Variants in NUP133 observed in about 807,000 individuals in gnomAD.
The protein encoded by NUP133 is nuclear pore complex protein Nup133.
In NUP133, 66 loss-of-function variants were observed where a neutral mutation model predicts 146.2. The observed-to-expected ratio is 0.45, with a 90% CI of 0.37 to 0.55. The LOEUF (loss-of-function observed/expected upper bound fraction) is 0.55, where lower values mean the gene tolerates loss of function less well. Ranked by LOEUF, NUP133 falls within the 20% of genes least tolerant of loss-of-function variation. NUP133 has a pLI of 0.00. For synonymous variants in NUP133, 521 were observed against 498.8 expected (o/e 1.04, Z -0.59); for missense variants, 1,277 against 1,374.8 (o/e 0.93, Z 1.12).
In NUP133 at chr1:229,506,450, T is replaced by G. The variant is rs547132253; in HGVS notation, c.183-292A>C. Among the ~76,000 whole-genome samples, 165 of 74,212 alleles carry G rather than the reference T, an allele frequency of 2.2e-3. 1 individual carries two copies. Among genetic ancestry groups the G allele is most frequent in the African/African-American group, 8.5e-3 (156 of 18,306 alleles). 48.7% of individuals were successfully genotyped at this position (74,212 alleles called of 152,430 possible). A position where few individuals can be genotyped will look rare whatever the true frequency, so the allele number is the denominator to read the frequency against. On this transcript the variant is annotated intron_variant, in intron 1 of 25. Transcript: ENST00000261396. ...GAAATAAGGCTTAACTAGACCAGTG[T>G]TTTTTTTTTTTTTTTTTCAAACAGC...
At position 229,440,704 on chromosome 1, in the gene NUP133, T is replaced by C. The variant is rs897777711; in HGVS notation, c.*1200A>G. Reference sequence around the variant, plus strand: ...TAACTTCTCTTAGTACCTTCCAACATGTTCCTAACCCAGACCCTAATGCTG... The same window carrying C: ...TAACTTCTCTTAGTACCTTCCAACACGTTCCTAACCCAGACCCTAATGCTG... On this transcript the variant is annotated 3_prime_UTR_variant, in exon 26 of 26. Coordinates refer to ENST00000261396, the MANE Select transcript of NUP133 (RefSeq NM_018230.3). 5 of 152,280 alleles carry C rather than the reference T, an allele frequency of 3.3e-5. No individual in the cohort carries two copies. Among genetic ancestry groups the C allele is most frequent in the Admixed American group, 2.0e-4 (3 of 15,288 alleles). The allele number at this position is 152,280 out of a possible 1,614,324, so 9.4% of individuals were successfully genotyped here.
At chr1:229,478,687 G>A (rs1203471953) in intron 12 of NUP133, among the ~76,000 whole-genome samples, 1 of 152,120 alleles carries the variant, frequency 6.6e-6, no homozygotes, top group Non-Finnish European at 1.5e-5. Context: ...AACCCACCAG[G>A]GGATTAACTA....
In NUP133 at chr1:229,441,868, A is replaced by G; in HGVS notation, c.*36T>C. ...AAAATTTGTATAAGGACACACTTAT[A>G]CAGATTTCATAAACAATGGCCATTT... On this transcript the variant is annotated 3_prime_UTR_variant, in exon 26 of 26. Coordinates refer to ENST00000261396, the MANE Select transcript of NUP133 (RefSeq NM_018230.3). The G allele has an allele frequency of 6.6e-7, 1 of 1,517,596 alleles. No homozygotes were observed. Among genetic ancestry groups the G allele is most frequent in the Non-Finnish European group, 8.9e-7 (1 of 1,129,330 alleles). 94.0% of individuals were successfully genotyped at this position (1,517,596 alleles called of 1,614,324 possible). A position where few individuals can be genotyped will look rare whatever the true frequency, so the allele number is the denominator to read the frequency against.
chr1:229,461,195 G>A (rs1194421415), intron 19 of NUP133, among the ~76,000 whole-genome samples: 1 of 152,148 alleles, frequency 6.6e-6, no homozygotes, highest in Admixed American at 6.6e-5. Flanking sequence ...AAAGCTCTGT[G>A]GGACAGCACC....
intron 8 of NUP133, among the ~76,000 whole-genome samples, chr1:229,494,416 C>G (rs6663689): frequency 1.5e-3 from 223 of 152,056 alleles, no homozygotes; most frequent in African/African-American, 5.2e-3. Context: ...CCAAGGAACA[C>G]GTAGAATTTG....
intron 20 of NUP133, among the ~76,000 whole-genome samples, chr1:229,460,388 G>C (rs965017026): frequency 6.6e-6 from 1 of 151,872 alleles, no homozygotes; most frequent in African/African-American, 2.4e-5. Flanking sequence ...TGTTTCCTAG[G>C]CTGGTCTTGA....
chr1:229,484,157 C>T lies in NUP133; in HGVS notation c.1501-12G>A. 6.3e-7 allele frequency: 1 copy of T among 1,589,020 alleles called. No homozygotes were observed. Among genetic ancestry groups the T allele is most frequent in the Non-Finnish European group, 8.6e-7 (1 of 1,158,884 alleles). ...TCAAAAATCATACTCTGCAAAATAA[C>T]AAAGTATAGTTTAGAGGTAAAGGCA... On this transcript the variant is annotated splice_polypyrimidine_tract_variant and intron_variant, in intron 11 of 25. Transcript: ENST00000261396.
intron 8 of NUP133, among the ~76,000 whole-genome samples, chr1:229,492,512 T>C (rs1243238331): frequency 4.6e-5 from 7 of 152,096 alleles, no homozygotes; most frequent in Admixed American, 4.6e-4. Flanking sequence ...CTAAATGACA[T>C]GACACTTCAA....
intron 2 of NUP133, among the ~76,000 whole-genome samples, chr1:229,502,430 G>A (rs550084149): frequency 1.3e-5 from 2 of 151,614 alleles, no homozygotes; most frequent in East Asian, 3.9e-4. Context: ...GTGGTGGCAC[G>A]TGCCTGTAGT....
chr1:229,470,544 G>T, intron 15 of NUP133, 36 bp downstream of exon 15: 2 of 1,540,410 alleles, frequency 1.3e-6, no homozygotes, highest in Non-Finnish European at 9.0e-7. Flanking sequence ...AAATGGCACA[G>T]TTCTACAAAG....
chr1:229,498,162 T>C lies in NUP133; in HGVS notation c.793A>G (p.Ile265Val). 1 of 1,609,740 alleles carries C rather than the reference T, an allele frequency of 6.2e-7. No individual in the cohort carries two copies. The highest frequency in any genetic ancestry group is 8.5e-7 in the Non-Finnish European group (1 of 1,178,852). ...IGRKVSSLFG[I>V]LSPSSDLTLS... ...GTGAGATCACTACTAGGAGATAAAATTCCAAAAAGAGAAGAAACTTTTCGA... is the reference window on the plus strand; with the variant it reads ...GTGAGATCACTACTAGGAGATAAAACTCCAAAAAGAGAAGAAACTTTTCGA... The change falls in exon 6 of 26, where the codon ATT becomes GTT. Residue 265 changes from isoleucine (I) to valine (V), a missense_variant. By Grantham distance (29) the Ile-to-Val change is conservative. Coordinates refer to ENST00000261396, the MANE Select transcript of NUP133 (RefSeq NM_018230.3).
At position 229,508,166 on chromosome 1, in the gene NUP133, C is replaced by A. The variant is rs774551917; in HGVS notation, c.84G>T (p.Thr28=). ...GPLAGLGPGS[T]PRTASRKGLP... ...GACCCTTCCTGCTAGCCGTCCGGGG[C>A]GTGGAGCCGGGCCCGAGTCCGGCCA... The change falls in exon 1 of 26, where the codon ACG becomes ACT. Residue 28 remains threonine, a synonymous_variant. Coordinates refer to ENST00000261396, the MANE Select transcript of NUP133 (RefSeq NM_018230.3). The A allele has an allele frequency of 1.1e-5, 18 of 1,592,950 alleles. No individual in the cohort carries two copies. The South Asian group carries it at 1.2e-4, about 11-fold the overall frequency.
rs746654612 is a variant in NUP133, at chr1:229,500,749, CACCT to C, written c.513+3_513+6del. On this transcript the variant is annotated splice_donor_5th_base_variant and intron_variant, in intron 4 of 25. Transcript: ENST00000261396. ...AGTTTATTTAAATAAGCTTTTAAGTCACCTACCTGAGTAGAATGTGCTTCACCTG... is the reference window on the plus strand; with the variant it reads ...AGTTTATTTAAATAAGCTTTTAAGTCACCTGAGTAGAATGTGCTTCACCTG... 1 of 1,572,278 alleles carries C rather than the reference CACCT, an allele frequency of 6.4e-7. No individual in the cohort carries two copies. Among genetic ancestry groups the C allele is most frequent in the African/African-American group, 1.4e-5 (1 of 73,878 alleles).
At chr1:229,472,713 T>C (rs985911112) in intron 14 of NUP133, among the ~76,000 whole-genome samples, 3 of 144,224 alleles carry the variant, frequency 2.1e-5, no homozygotes, top group African/African-American at 5.3e-5. Flanking sequence ...TATACATATA[T>C]ATATATATAT....
At position 229,502,002 on chromosome 1, in the gene NUP133, A is replaced by G; in HGVS notation, c.402T>C (p.Thr134=). ...IIWKIALSPI[T]KLSVCKELQL... is the part of the protein sequence containing the mutation. ...CAGCTCTCTAAAGAGCCATTACCTT[A>G]GTAATAGGTGACAGAGCAATCTTCC... Residue 134 remains threonine (T), a synonymous_variant, in exon 3 of 26, where the codon ACT becomes ACC. Transcript: ENST00000261396. 6.2e-7 allele frequency: 1 copy of G among 1,602,112 alleles called. No homozygotes were observed. The highest frequency in any genetic ancestry group is 1.1e-5 in the South Asian group (1 of 90,844).
At position 229,464,736 on chromosome 1, in the gene NUP133, C is replaced by T. The variant is rs2102758183; in HGVS notation, c.2439G>A (p.Leu813=). The T allele has an allele frequency of 6.8e-6, 11 of 1,614,200 alleles. No individual in the cohort carries two copies. Among genetic ancestry groups the T allele is most frequent in the Non-Finnish European group, 8.5e-6 (10 of 1,180,046 alleles). ...ACTTAAGCTGAGAAACATAACCATC[C>T]AGGAAGCAATCGATCAGGGCTACCA... is the stretch of plus-strand genomic sequence containing the variant. ...EQLVALIDCF[L]DGYVSQLKSV... The change falls in exon 18 of 26, where the codon CTG becomes CTA. Residue 813 remains leucine (L), a synonymous_variant. Coordinates refer to ENST00000261396, the MANE Select transcript of NUP133 (RefSeq NM_018230.3).
Position 229,441,905 on chromosome 1 carries a change from T to C in NUP133, c.3470A>G (p.Ter1157=). ...NYEYYVQGQI[*] ...AACAATGGCCATTTTTAGAAAAAGT[T>C]ATATTTGTCCCTGAACATAATATTC... The change falls in exon 26 of 26, where the codon TAA becomes TGA. Residue 1157 remains the stop codon, a stop_retained_variant. Transcript: ENST00000261396. 1 of 1,562,554 alleles carries C rather than the reference T, an allele frequency of 6.4e-7. No homozygotes were observed.
At chr1:229,452,455 A>G in intron 22 of NUP133, 70 bp downstream of exon 22, 1 of 1,201,478 alleles carries the variant, frequency 8.3e-7, no homozygotes, top group Non-Finnish European at 1.2e-6. Context: ...GAACTATACT[A>G]CATGGCCCAA....
At chr1:229,496,497 A>G (rs189197248) in intron 6 of NUP133, among the ~76,000 whole-genome samples, 1 of 152,226 alleles carries the variant, frequency 6.6e-6, no homozygotes, top group East Asian at 1.9e-4. Flanking sequence ...AAAACAAACC[A>G]GAAATGAGTG....
Sources: gnomAD v4.1 joint callset for allele counts (sites outside exome capture counted in the v4.1 genomes callset) on GRCh38, gnomAD v4.1.1 for gene constraint, MANE v1.5 for transcripts, NCBI Gene and HGNC (gene_info 2026-07-23, HGNC 2026-07-21) for gene names.